Variants in RAB40B observed in about 807,000 individuals in gnomAD.
RAB40B encodes the protein ras-related protein Rab-40B.
RAB40B carries 21 observed loss-of-function variants against 24.0 expected under a neutral mutation model. The observed-to-expected ratio is 0.88, with a 90% CI of 0.62 to 1.26. RAB40B has a LOEUF of 1.26. Among genes scored for constraint, RAB40B ranks in the 50% most tolerant of loss-of-function variants. The pLI, the probability that RAB40B is intolerant of heterozygous loss-of-function variation, is 0.00. For missense variants in RAB40B, 348 were observed against 390.5 expected (o/e 0.89, Z 0.92); for synonymous variants, 167 against 169.8 (o/e 0.98, Z 0.13).
chr17:82,682,082 C>T (rs751823594), intron 1 of RAB40B, among the ~76,000 whole-genome samples: 22 of 151,440 alleles, frequency 1.5e-4, no homozygotes, highest in Non-Finnish European at 2.9e-4. Context: ...AAAACCATCT[C>T]GATTACCAGA....
intron 1 of RAB40B, chr17:82,668,382 T>G (rs1222273942): frequency 1.3e-5 from 2 of 154,276 alleles, no homozygotes; most frequent in East Asian, 3.9e-4. Context: ...CTTCAAGGTG[T>G]GGCTTCACCA....
rs768245374 is a variant in RAB40B at position 82,657,826 on chromosome 17, C to T, written c.*37G>A. On this transcript the variant is annotated 3_prime_UTR_variant, in exon 6 of 6. Transcript: ENST00000571995. ...TGCCGGGGGTAACGCCGAGCTTCTC[C>T]TGGAGAGATTCCGCCGTGTTTCTTT... 3 of 1,607,974 alleles carry T rather than the reference C, an allele frequency of 1.9e-6. No individual in the cohort carries two copies. Among genetic ancestry groups the T allele is most frequent in the Non-Finnish European group, 1.7e-6 (2 of 1,178,514 alleles).
At chr17:82,689,662 C>T (rs115508155) in intron 1 of RAB40B, among the ~76,000 whole-genome samples, 1,626 of 152,142 alleles carry the variant, frequency 0.011, 21 homozygotes, top group African/African-American at 0.036. Flanking sequence ...CAAGTGGTAC[C>T]GCAGGAGGTA....
intron 1 of RAB40B, among the ~76,000 whole-genome samples, chr17:82,690,266 GTGTGTT>G (rs2143550825): frequency 6.6e-6 from 1 of 151,812 alleles, no homozygotes; most frequent in African/African-American, 2.4e-5. Context: ...GGAGCAGAGA[GTGTGTT>G]TGTGTGTCCA....
chr17:82,669,249 G>A (rs1384803347), intron 1 of RAB40B, among the ~76,000 whole-genome samples: 3 of 152,186 alleles, frequency 2.0e-5, no homozygotes, highest in Admixed American at 2.0e-4. Flanking sequence ...GCCGAGCGGG[G>A]TGGATCACCT....
chr17:82,662,197 G>A (rs1370602455), intron 2 of RAB40B: 5 of 985,350 alleles, frequency 5.1e-6, no homozygotes, highest in Admixed American at 6.1e-5. Context: ...GGGGACCAGC[G>A]ACACTGGCCA....
In RAB40B at chr17:82,660,867, T is replaced by G. The variant is rs190291678; in HGVS notation, c.264+120A>C. On this transcript the variant is annotated intron_variant, in intron 3 of 5. Transcript: ENST00000571995. ...ACGTTTTTAGACTCTCAGCACCAAT[T>G]TATACGTAAGCTTAACCGCCTTGTC... is the stretch of plus-strand genomic sequence containing the variant. 91 of 1,289,390 alleles carry G rather than the reference T, an allele frequency of 7.1e-5. No homozygotes were observed. In the African/African-American group the frequency reaches 1.3e-3, roughly 18 times the overall value. The allele number at this position is 1,289,390 out of a possible 1,614,324, so 79.9% of individuals were successfully genotyped here.
rs1331949215 is a variant in RAB40B at position 82,667,604 on chromosome 17, T to C, written c.143-3048A>G. Among the ~76,000 whole-genome samples the C allele has an allele frequency of 6.6e-6, 1 of 152,000 alleles. No homozygotes were observed. The highest frequency in any genetic ancestry group is 2.4e-5 in the African/African-American group (1 of 41,360). ...GCCCCAGAGACATGGAGTCCAGGCT[T>C]CCCGCATCCTCCTCTGTCTCCTGCT... is the stretch of plus-strand genomic sequence containing the variant. On this transcript the variant is annotated intron_variant, in intron 1 of 5. Coordinates refer to ENST00000571995, the MANE Select transcript of RAB40B (RefSeq NM_006822.3). This position sits in a 1 kb window ranked among gnomAD's most constrained non-coding sequence, Gnocchi z 4.3.
rs752263317 is a variant in RAB40B, at chr17:82,664,473, G to T, written c.203+23C>A. 3.1e-6 allele frequency: 5 copies of T among 1,609,716 alleles called. No homozygotes were observed. In the Admixed American group the frequency reaches 6.7e-5, roughly 22 times the overall value. On this transcript the variant is annotated intron_variant, in intron 2 of 5. Transcript: ENST00000571995. ...GGGTTACTCCCTGGGGGTGCGGGAC[G>T]CTCGCACCTCCTCCAGACTCACCAG... is the stretch of plus-strand genomic sequence containing the variant.
chr17:82,659,544 A>G, intron 4 of RAB40B, 36 bp downstream of exon 4: 4 of 1,597,814 alleles, frequency 2.5e-6, no homozygotes, highest in Non-Finnish European at 3.4e-6. Flanking sequence ...TCCCAAGCCT[A>G]CAGGGATCTT....
At position 82,661,044 on chromosome 17, in the gene RAB40B, A is replaced by G; in HGVS notation, c.207T>C (p.Asp69=). The change falls in exon 3 of 6, where the codon GAT becomes GAC. Residue 69 remains aspartate, a synonymous_variant. Coordinates refer to ENST00000571995, the MANE Select transcript of RAB40B (RefSeq NM_006822.3). The part of the protein sequence containing the change: ...DGRRVKLQLW[D]TSGQGRFCTI... ...TACAAAATCTTCCCTGGCCTGAAGT[A>G]TCCCTGGAAAAGATGTTGGAGACCA... 1 of 1,613,990 alleles carries G rather than the reference A, an allele frequency of 6.2e-7. No homozygotes were observed. Among genetic ancestry groups the G allele is most frequent in the Non-Finnish European group, 8.5e-7 (1 of 1,179,952 alleles).
chr17:82,659,850 T>A, intron 3 of RAB40B, 193 bp from the exon 4 acceptor site: 6 of 570,554 alleles, frequency 1.1e-5, no homozygotes, highest in Non-Finnish European at 1.6e-5. Flanking sequence ...TGATAAACCC[T>A]CAAATGTCAC....
chr17:82,661,318 A>G, intron 2 of RAB40B: 1 of 1,203,672 alleles, frequency 8.3e-7, no homozygotes, highest in Non-Finnish European at 1.0e-6. Context: ...ATATTTAAAT[A>G]CATTCAATGT....
intron 3 of RAB40B, 28 bp from the exon 4 acceptor site, chr17:82,659,685 G>A (rs767730858): frequency 3.1e-5 from 49 of 1,592,952 alleles, no homozygotes; most frequent in Non-Finnish European, 3.8e-5. Flanking sequence ...GGCTCAGCAC[G>A]CAGAACACAG....
At chr17:82,677,898 C>G (rs1262696185) in intron 1 of RAB40B, among the ~76,000 whole-genome samples, 1 of 152,236 alleles carries the variant, frequency 6.6e-6, no homozygotes. Context: ...GGACACTGGG[C>G]CCAGCGAGCA....
intron 1 of RAB40B, among the ~76,000 whole-genome samples, chr17:82,688,924 ACT>A (rs2046528899): frequency 6.6e-6 from 1 of 152,098 alleles, no homozygotes; most frequent in Non-Finnish European, 1.5e-5. Context: ...ACAGAGTAAG[ACT>A]CTGTCTCAAA....
At chr17:82,686,854 C>A (rs2046507178) in intron 1 of RAB40B, among the ~76,000 whole-genome samples, 1 of 152,214 alleles carries the variant, frequency 6.6e-6, no homozygotes, top group South Asian at 2.1e-4. Flanking sequence ...TTCCTCCCGT[C>A]CAGTGCTGGG....
intron 1 of RAB40B, among the ~76,000 whole-genome samples, chr17:82,666,571 T>C (rs759883897): frequency 6.6e-6 from 1 of 152,080 alleles, no homozygotes; most frequent in Non-Finnish European, 1.5e-5. Flanking sequence ...GGGAAAAATA[T>C]GTTTCCCCGC....
At chr17:82,674,517 T>C (rs984767486) in intron 1 of RAB40B, among the ~76,000 whole-genome samples, 4 of 146,112 alleles carry the variant, frequency 2.7e-5, no homozygotes, top group African/African-American at 7.6e-5. Context: ...CGGGCACCTG[T>C]AGTCCCAGCT....
Sources: gnomAD v4.1 joint callset for allele counts (sites outside exome capture counted in the v4.1 genomes callset) on GRCh38, gnomAD v4.1.1 for gene constraint, Gnocchi (gnomAD v3.1) non-coding constraint, MANE v1.5 for transcripts, NCBI Gene and HGNC (gene_info 2026-07-23, HGNC 2026-07-21) for gene names.